RAF1: variants seen among roughly 807,000 people sequenced by gnomAD.
The protein encoded by RAF1 is RAF proto-oncogene serine/threonine-protein kinase.
Under a neutral mutation model 81.1 loss-of-function variants are expected in RAF1, and 27 were observed. The observed-to-expected ratio is 0.33, with a 90% CI of 0.25 to 0.46. The LOEUF (loss-of-function observed/expected upper bound fraction) is 0.46. Ranked by LOEUF, RAF1 falls within the 20% of genes least tolerant of loss-of-function variation. RAF1 has a pLI of 1.00. For synonymous variants in RAF1, 298 were observed against 294.0 expected, an observed-to-expected ratio of 1.01 and a Z score of -0.14; for missense variants, 598 against 826.0, an observed-to-expected ratio of 0.72 and a Z score of 3.38.
At chr3:12,625,621 G>A (rs769337589) in intron 1 of RAF1, among the ~76,000 whole-genome samples, 1 of 152,040 alleles carries the variant, frequency 6.6e-6, no homozygotes, top group Non-Finnish European at 1.5e-5. Flanking sequence ...ACAATTTAAG[G>A]CAGGACTGGT....
At chr3:12,598,725 CAAAAAAAAAAAAAA>C (rs59472802) in intron 11 of RAF1, among the ~76,000 whole-genome samples, 4 of 61,994 alleles carry the variant, frequency 6.5e-5, no homozygotes, top group South Asian at 1.9e-3. Flanking sequence ...GAATCTATCT[CAAAAAAAAAAAAAA>C]AAAAAAAAAA....
chr3:12,616,940 T>C lies in RAF1; in HGVS notation c.207+1575A>G, dbSNP rs1575597152. On this transcript the variant is annotated intron_variant, in intron 2 of 17. Coordinates refer to ENST00000442415, the MANE Select transcript of RAF1 (RefSeq NM_001354689.3). ...TAATAGTAGAAAACTTTTTTTGTTT[T>C]TCTTTTCTTTGAGAAGGGGTCTGGC... Among the ~76,000 whole-genome samples, 3 of 152,286 alleles carry C rather than the reference T, an allele frequency of 2.0e-5. No individual in the cohort carries two copies. The East Asian group carries it at 5.8e-4, about 29-fold the overall frequency.
Position 12,606,704 on chromosome 3 carries a change from G to A in RAF1, c.582-405C>T, listed in dbSNP as rs555036871. 4.3e-4 allele frequency among the ~76,000 whole-genome samples: 65 copies of A among 151,040 alleles called. 1 individual carries two copies. Among genetic ancestry groups the A allele is most frequent in the African/African-American group, 1.5e-3 (63 of 40,716 alleles). On this transcript the variant is annotated intron_variant, in intron 5 of 17. Coordinates refer to ENST00000442415, the MANE Select transcript of RAF1 (RefSeq NM_001354689.3). The stretch of plus-strand genomic sequence containing the variant: ...ACACCACCATGCCCAGCTAATTTTC[G>A]TATTTTTTTTTTAATTATACTTTAA...
chr3:12,629,534 T>C (rs1310500648), intron 1 of RAF1, among the ~76,000 whole-genome samples: 1 of 152,190 alleles, frequency 6.6e-6, no homozygotes, highest in Non-Finnish European at 1.5e-5. Flanking sequence ...AGAGAAATTA[T>C]CATTTTAGAG....
chr3:12,652,952 A>ATG (rs1553624322), intron 1 of RAF1, among the ~76,000 whole-genome samples: 1 of 151,084 alleles, frequency 6.6e-6, no homozygotes, highest in African/African-American at 2.4e-5. Context: ...AAAAAAAAAA[A>ATG]TTTTTTTAAT....
chr3:12,591,204 T>C (rs962276660), intron 12 of RAF1, among the ~76,000 whole-genome samples: 1 of 152,118 alleles, frequency 6.6e-6, no homozygotes, highest in African/African-American at 2.4e-5. Flanking sequence ...CAGCCTTGCT[T>C]ACAGAGAGGA....
In RAF1 at chr3:12,618,628, T is replaced by C. The variant is rs372738063; in HGVS notation, c.94A>G (p.Ile32Val). ...CGCTGATAGCCAAACTGCTGAACTATTGTAGGAGAGATGCAGCTGGAGCCA... is the reference window on the plus strand; with the variant it reads ...CGCTGATAGCCAAACTGCTGAACTACTGTAGGAGAGATGCAGCTGGAGCCA... The change falls in exon 2 of 18, where the codon ATA becomes GTA. Residue 32 changes from isoleucine (I) to valine (V), a missense_variant. By Grantham distance (29) the Ile-to-Val change is conservative (BLOSUM62 3). Coordinates refer to ENST00000442415, the MANE Select transcript of RAF1 (RefSeq NM_001354689.3). The C allele has an allele frequency of 2.7e-4, 435 of 1,614,104 alleles. 1 individual carries two copies. Among genetic ancestry groups the C allele is most frequent in the Non-Finnish European group, 3.5e-4 (417 of 1,180,054 alleles).
rs767890715 is a variant in RAF1, at chr3:12,584,926, T to C, written c.1784A>G (p.Lys595Arg). The C allele has an allele frequency of 1.2e-6, 2 of 1,614,088 alleles. No individual in the cohort carries two copies. Among genetic ancestry groups the C allele is most frequent in the Non-Finnish European group, 1.7e-6 (2 of 1,180,038 alleles). Residue 595 changes from lysine to arginine, a missense_variant, in exon 17 of 18, where the codon AAG becomes AGG. Transcript: ENST00000442415. ...CCTCTTCATTGCTTTGGGGCAGTTC[T>C]TATATAGCTTACTAAGATCTGGGGA...
At chr3:12,660,635 A>C (rs1400141444) in intron 1 of RAF1, among the ~76,000 whole-genome samples, 1 of 152,158 alleles carries the variant, frequency 6.6e-6, no homozygotes, top group Non-Finnish European at 1.5e-5. Context: ...AACTACTGAC[A>C]AGACTTTAAC....
chr3:12,655,246 C>A (rs1003987338), intron 1 of RAF1, among the ~76,000 whole-genome samples: 4 of 152,044 alleles, frequency 2.6e-5, no homozygotes, highest in African/African-American at 9.7e-5. Context: ...ACAAGCCCAG[C>A]GAATTTTTTT....
rs751584522 is a variant in RAF1, at chr3:12,604,316, T to C, written c.681-27A>G. On this transcript the variant is annotated intron_variant, in intron 6 of 17. Coordinates refer to ENST00000442415, the MANE Select transcript of RAF1 (RefSeq NM_001354689.3). Reference sequence around the variant, plus strand: ...TAGGAGGAGAAAGAAAATTCCATGATTGGCACTTAGGCTTTCATACTGGTG... The same window carrying C: ...TAGGAGGAGAAAGAAAATTCCATGACTGGCACTTAGGCTTTCATACTGGTG... The C allele has an allele frequency of 1.6e-5, 26 of 1,609,224 alleles. No individual in the cohort carries two copies. The East Asian group carries it at 4.2e-4, about 26-fold the overall frequency.
intron 1 of RAF1, among the ~76,000 whole-genome samples, chr3:12,661,600 G>C (rs2125594676): frequency 1.3e-5 from 2 of 152,216 alleles, no homozygotes; most frequent in East Asian, 3.9e-4. Flanking sequence ...CTACTCAGGA[G>C]GGTGAGGCAG....
At chr3:12,640,609 T>C (rs957612167) in intron 1 of RAF1, among the ~76,000 whole-genome samples, 2 of 151,960 alleles carry the variant, frequency 1.3e-5, no homozygotes, top group East Asian at 1.9e-4. Flanking sequence ...AACAGACACA[T>C]GAAAAAATGC....
At position 12,584,921 on chromosome 3, in the gene RAF1, A is replaced by C; in HGVS notation, c.1789T>G (p.Cys597Gly). 2 of 1,614,196 alleles carry C rather than the reference A, an allele frequency of 1.2e-6. No individual in the cohort carries two copies. Among genetic ancestry groups the C allele is most frequent in the Non-Finnish European group, 1.7e-6 (2 of 1,180,038 alleles). The stretch of plus-strand genomic sequence containing the variant: ...ACCAGCCTCTTCATTGCTTTGGGGC[A>C]GTTCTTATATAGCTTACTAAGATCT... Residue 597 changes from cysteine to glycine, a missense_variant, in exon 17 of 18, where the codon TGC becomes GGC. By Grantham distance (159) the Cys-to-Gly change is radical. Transcript: ENST00000442415.
chr3:12,617,748 C>G (rs912065088), intron 2 of RAF1, among the ~76,000 whole-genome samples: 2 of 151,840 alleles, frequency 1.3e-5, no homozygotes, highest in African/African-American at 4.8e-5. Flanking sequence ...CAAAAATCAG[C>G]CAGGCGTGGC....
intron 1 of RAF1, among the ~76,000 whole-genome samples, chr3:12,652,950 A>T (rs201934671): frequency 0.027 from 753 of 28,062 alleles, 3 homozygotes; most frequent in South Asian, 0.13. Flanking sequence ...CAAAAAAAAA[A>T]AATTTTTTTA....
At chr3:12,617,362 G>C (rs1241327372) in intron 2 of RAF1, among the ~76,000 whole-genome samples, 1 of 151,962 alleles carries the variant, frequency 6.6e-6, no homozygotes, top group Non-Finnish European at 1.5e-5. Flanking sequence ...TAATGAGCTG[G>C]CCTCAGCCTC....
At chr3:12,655,189 T>C (rs2060651818) in intron 1 of RAF1, among the ~76,000 whole-genome samples, 1 of 152,292 alleles carries the variant, frequency 6.6e-6, no homozygotes, top group South Asian at 2.1e-4. Context: ...TTCAAGCGAT[T>C]CTCCTGCCTC....
chr3:12,622,355 T>C (rs780325294), intron 1 of RAF1, among the ~76,000 whole-genome samples: 4 of 152,232 alleles, frequency 2.6e-5, no homozygotes, highest in Non-Finnish European at 4.4e-5. Flanking sequence ...CAACTCATTG[T>C]GTCACTCCCG....
Sources: allele counts gnomAD v4.1 joint callset (sites outside exome capture counted in the v4.1 genomes callset), GRCh38; gene constraint gnomAD v4.1.1; transcripts MANE v1.5; gene names NCBI Gene and HGNC (gene_info 2026-07-23, HGNC 2026-07-21).